Variants in SDK1 observed in about 807,000 individuals in gnomAD.
The protein encoded by SDK1 is protein sidekick-1.
Under a neutral mutation model 245.5 loss-of-function variants are expected in SDK1, and 157 were observed. The ratio of observed to expected loss-of-function variants is 0.64; its 90% CI spans 0.56 to 0.73. The LOEUF (loss-of-function observed/expected upper bound fraction) is 0.73, where lower values mean the gene tolerates loss of function less well. Among genes scored for constraint, SDK1 ranks in the 30% least tolerant of loss-of-function variants. SDK1 has a pLI of 0.00. For missense variants in SDK1, 3,583 were observed against 3,002.3 expected (o/e 1.19, Z -4.52); for synonymous variants, 1,647 against 1,278.5 (o/e 1.29, Z -6.15).
At chr7:3,672,547 C>G (rs971948706) in intron 4 of SDK1, among the ~76,000 whole-genome samples, 2 of 141,494 alleles carry the variant, frequency 1.4e-5, no homozygotes, top group African/African-American at 2.7e-5. Context: ...TTTATAGATC[C>G]CAGAGTGAGA....
chr7:4,265,715 C>A lies in SDK1; in HGVS notation c.*331C>A, dbSNP rs1788426243. 2 of 1,106,508 alleles carry A rather than the reference C, an allele frequency of 1.8e-6. No homozygotes were observed. Among genetic ancestry groups the A allele is most frequent in the Non-Finnish European group, 2.2e-6 (2 of 911,650 alleles). 68.5% of individuals were successfully genotyped at this position (1,106,508 alleles called of 1,614,324 possible). On this transcript the variant is annotated 3_prime_UTR_variant, in exon 45 of 45. Coordinates refer to ENST00000404826, the MANE Select transcript of SDK1 (RefSeq NM_152744.4). ...GCCCTGGGTTTCTCCGTCTTCAAGA[C>A]CAACTAGGAAGGGTCAAGCGGGGAG...
intron 35 of SDK1, among the ~76,000 whole-genome samples, chr7:4,185,312 A>G (rs1032081318): frequency 6.6e-6 from 1 of 152,164 alleles, no homozygotes; most frequent in African/African-American, 2.4e-5. Flanking sequence ...TTCTGGGCCC[A>G]GCTCCACATT....
intron 1 of SDK1, among the ~76,000 whole-genome samples, chr7:3,356,305 C>T (rs1780793042): frequency 6.6e-6 from 1 of 152,130 alleles, no homozygotes; most frequent in Non-Finnish European, 1.5e-5. Context: ...AGCAGATGTA[C>T]AGTTCAACCA....
At chr7:3,961,255 A>G (rs1197137291) in intron 8 of SDK1, among the ~76,000 whole-genome samples, 1 of 152,248 alleles carries the variant, frequency 6.6e-6, no homozygotes, top group Admixed American at 6.5e-5. Context: ...GAGATATTAC[A>G]TGAATTGGTT....
At chr7:3,372,206 T>A (rs1781245649) in intron 1 of SDK1, among the ~76,000 whole-genome samples, 1 of 152,184 alleles carries the variant, frequency 6.6e-6, no homozygotes, top group African/African-American at 2.4e-5. Context: ...TCTGGAGCAG[T>A]GCGAAGTCTT....
chr7:4,057,434 G>C (rs190441637), intron 19 of SDK1, among the ~76,000 whole-genome samples: 1 of 152,272 alleles, frequency 6.6e-6, no homozygotes, highest in Admixed American at 6.5e-5. Context: ...CTGGGGACTG[G>C]CCTGCTCAGC....
intron 5 of SDK1, among the ~76,000 whole-genome samples, chr7:3,838,405 C>T (rs559929323): frequency 1.3e-5 from 2 of 152,272 alleles, no homozygotes; most frequent in Admixed American, 6.5e-5. Flanking sequence ...CCCTGAGAGA[C>T]GATGTTTAAC....
intron 38 of SDK1, among the ~76,000 whole-genome samples, chr7:4,214,066 C>T (rs1216086037): frequency 2.0e-5 from 3 of 152,284 alleles, no homozygotes; most frequent in Middle Eastern, 3.4e-3. Context: ...CTTCTCCTCC[C>T]GCAGACAGAG....
intron 4 of SDK1, among the ~76,000 whole-genome samples, chr7:3,730,040 A>C (rs900161581): frequency 6.6e-6 from 1 of 152,136 alleles, no homozygotes; most frequent in African/African-American, 2.4e-5. Context: ...TTCATTATTC[A>C]TTCTACAGAT....
chr7:3,956,477 C>T (rs1425107397), intron 7 of SDK1, among the ~76,000 whole-genome samples: 1 of 152,162 alleles, frequency 6.6e-6, no homozygotes, highest in Admixed American at 6.5e-5. Flanking sequence ...AAGGGAAGCT[C>T]AGAGGCCACG....
At chr7:3,626,835 C>G (rs951378539) in intron 2 of SDK1, among the ~76,000 whole-genome samples, 6 of 152,044 alleles carry the variant, frequency 3.9e-5, no homozygotes, top group Admixed American at 2.0e-4. Context: ...ACTGAGAACT[C>G]AGATCTGTAA....
intron 5 of SDK1, among the ~76,000 whole-genome samples, chr7:3,886,311 G>T (rs1460366490): frequency 6.6e-6 from 1 of 152,182 alleles, no homozygotes; most frequent in Non-Finnish European, 1.5e-5. Context: ...AAGCTGTTAG[G>T]CAAAGAGATA....
rs186894138 is a variant in SDK1, at chr7:4,113,180, G to A, written c.3435-109G>A. 280 of 1,150,424 alleles carry A rather than the reference G, an allele frequency of 2.4e-4. 2 individuals carry two copies. Among genetic ancestry groups the A allele is most frequent in the Non-Finnish European group, 4.0e-5 (32 of 802,386 alleles). The allele number at this position is 1,150,424 out of a possible 1,614,324, so 71.3% of individuals were successfully genotyped here. The stretch of plus-strand genomic sequence containing the variant: ...AGCAATAGCCTTTATGATATGAGTA[G>A]ACACCTATCTGAGCCCTCCCTTGAG... On this transcript the variant is annotated intron_variant, in intron 23 of 44. Coordinates refer to ENST00000404826, the MANE Select transcript of SDK1 (RefSeq NM_152744.4).
At chr7:3,487,795 C>T (rs1781747372) in intron 1 of SDK1, among the ~76,000 whole-genome samples, 1 of 147,322 alleles carries the variant, frequency 6.8e-6, no homozygotes, top group South Asian at 2.2e-4. Context: ...ATTACAGTGT[C>T]TTGTGGCTCT....
chr7:3,798,170 C>G (rs560470178), intron 4 of SDK1, among the ~76,000 whole-genome samples: 3 of 147,842 alleles, frequency 2.0e-5, no homozygotes, highest in Non-Finnish European at 4.5e-5. Context: ...TCTCTGTAGA[C>G]TTCTCCAATC....
intron 4 of SDK1, among the ~76,000 whole-genome samples, chr7:3,721,642 G>A (rs1204404991): frequency 1.3e-5 from 2 of 152,146 alleles, no homozygotes; most frequent in Non-Finnish European, 2.9e-5. Context: ...GGTGTCTGGT[G>A]TTTCCAAAGG....
chr7:3,738,254 T>G (rs911562111), intron 4 of SDK1, among the ~76,000 whole-genome samples: 3 of 152,254 alleles, frequency 2.0e-5, no homozygotes, highest in Non-Finnish European at 4.4e-5. Flanking sequence ...CCACCTTCAT[T>G]CTTTTGCATG....
At chr7:4,115,728 T>C (rs1783663268) in intron 25 of SDK1, among the ~76,000 whole-genome samples, 1 of 152,156 alleles carries the variant, frequency 6.6e-6, no homozygotes, top group South Asian at 2.1e-4. Context: ...GGATCTGCCC[T>C]CTCTGCAACC....
chr7:3,502,076 A>C (rs532194054), intron 1 of SDK1, among the ~76,000 whole-genome samples: 19 of 152,202 alleles, frequency 1.2e-4, no homozygotes, highest in African/African-American at 4.3e-4. Flanking sequence ...TAAAAATATT[A>C]ATATTATTAG....
Sources: allele counts gnomAD v4.1 joint callset (sites outside exome capture counted in the v4.1 genomes callset), GRCh38; gene constraint gnomAD v4.1.1; transcripts MANE v1.5; gene names NCBI Gene and HGNC (gene_info 2026-07-23, HGNC 2026-07-21).